Variants in LRP1B observed in about 807,000 individuals in gnomAD.
LRP1B encodes low-density lipoprotein receptor-related protein 1B.
LRP1B carries 217 observed loss-of-function variants against 556.6 expected under a neutral mutation model. That is an observed-to-expected ratio of 0.39 (90% CI 0.35 to 0.44). LRP1B has a LOEUF of 0.44. Ranked by LOEUF, LRP1B falls within the 20% of genes least tolerant of loss-of-function variation. The pLI is 1.00. For missense variants in LRP1B, 5,053 were observed against 5,620.8 expected (o/e 0.90, Z 3.23); for synonymous variants, 2,047 against 1,865.8 (o/e 1.10, Z -2.50).
intron 2 of LRP1B, among the ~76,000 whole-genome samples, chr2:141,531,186 A>G (rs1212405888): frequency 6.6e-6 from 1 of 152,130 alleles, no homozygotes; most frequent in Non-Finnish European, 1.5e-5. Context: ...TCTACAAATA[A>G]TTAACACGTT....
Position 141,013,710 on chromosome 2 carries a change from G to T in LRP1B, c.2226C>A (p.Phe742Leu), listed in dbSNP as rs550472502. The change falls in exon 14 of 91, where the codon TTC becomes TTA. Residue 742 changes from phenylalanine to leucine, a missense_variant. This residue lies in a region of LRP1B where 3,619 missense variants were observed against 3,931.9 expected (regional missense o/e 0.92). Coordinates refer to ENST00000389484, the MANE Select transcript of LRP1B (RefSeq NM_018557.3). Reference protein sequence around the residue: ...VYSGRELNHPFGLSHHGNYVF... With the variant: ...VYSGRELNHPLGLSHHGNYVF... The stretch of plus-strand genomic sequence containing the variant: ...CATAATTTCCATGATGCGACAGTCC[G>T]AAAGGGTGGTTCAACTCTCTCCCAC... 1 of 1,598,122 alleles carries T rather than the reference G, an allele frequency of 6.3e-7. No homozygotes were observed. Among genetic ancestry groups the T allele is most frequent in the South Asian group, 1.1e-5 (1 of 88,456 alleles).
At chr2:141,814,857 T>TG (rs1474595109) in intron 1 of LRP1B, among the ~76,000 whole-genome samples, 3 of 147,600 alleles carry the variant, frequency 2.0e-5, no homozygotes, top group Non-Finnish European at 4.5e-5. Context: ...GAGAAGAGGG[T>TG]GGGGCATGAA....
intron 7 of LRP1B, among the ~76,000 whole-genome samples, chr2:141,064,295 T>C (rs924708508): frequency 6.6e-6 from 1 of 151,864 alleles, no homozygotes; most frequent in Non-Finnish European, 1.5e-5. Flanking sequence ...ATACTAGTAA[T>C]TTTTGCCACT....
intron 41 of LRP1B, among the ~76,000 whole-genome samples, chr2:140,631,277 C>A (rs915873122): frequency 6.6e-6 from 1 of 152,062 alleles, no homozygotes; most frequent in Non-Finnish European, 1.5e-5. Flanking sequence ...GCATGACATG[C>A]TAAAAGGCAA....
intron 2 of LRP1B, among the ~76,000 whole-genome samples, chr2:141,553,938 T>C (rs1685857438): frequency 7.5e-6 from 1 of 133,958 alleles, no homozygotes; most frequent in South Asian, 2.4e-4. Context: ...AATATAGTTA[T>C]ATATCTATAT....
At chr2:140,987,981 A>G (rs1164028260) in intron 17 of LRP1B, among the ~76,000 whole-genome samples, 7 of 151,888 alleles carry the variant, frequency 4.6e-5, no homozygotes, top group African/African-American at 7.3e-5. Flanking sequence ...AAGACTGTCG[A>G]AAAAAAAGAA....
At chr2:141,142,892 T>C (rs1366757640) in intron 7 of LRP1B, among the ~76,000 whole-genome samples, 1 of 148,850 alleles carries the variant, frequency 6.7e-6, no homozygotes, top group Non-Finnish European at 1.5e-5. Context: ...ATGAGTGAAC[T>C]GGCAACAGAT....
chr2:141,740,168 A>G (rs1024969556), intron 2 of LRP1B, among the ~76,000 whole-genome samples: 6 of 152,168 alleles, frequency 3.9e-5, no homozygotes, highest in Admixed American at 3.9e-4. Flanking sequence ...TCTAGATCAT[A>G]GACGTGACAA....
chr2:141,845,425 A>C (rs1357364979), intron 1 of LRP1B, among the ~76,000 whole-genome samples: 1 of 151,958 alleles, frequency 6.6e-6, no homozygotes, highest in Non-Finnish European at 1.5e-5. Context: ...AAATGCATTA[A>C]ATTTAATAAT....
chr2:141,667,956 C>T (rs1404401368), intron 2 of LRP1B, among the ~76,000 whole-genome samples: 1 of 152,092 alleles, frequency 6.6e-6, no homozygotes, highest in African/African-American at 2.4e-5. Flanking sequence ...GTAATACATG[C>T]TTTTACATAA....
At chr2:141,031,251 T>TCA (rs72098612) in intron 11 of LRP1B, among the ~76,000 whole-genome samples, 25,956 of 121,068 alleles carry the variant, frequency 0.21, 2,494 homozygotes, top group Middle Eastern at 0.3. Context: ...TATATACATA[T>TCA]CACACACACA....
chr2:140,583,893 A>T (rs1681880019), intron 43 of LRP1B, among the ~76,000 whole-genome samples: 1 of 152,208 alleles, frequency 6.6e-6, no homozygotes, highest in South Asian at 2.1e-4. Context: ...ATCAAATCAA[A>T]GCACTGTATA....
At chr2:141,077,301 A>T (rs1249868354) in intron 7 of LRP1B, among the ~76,000 whole-genome samples, 2 of 152,256 alleles carry the variant, frequency 1.3e-5, no homozygotes, top group South Asian at 4.1e-4. Flanking sequence ...GCTATGCAAT[A>T]CTGGTATTTT....
At chr2:142,097,183 A>G (rs1706405714) in intron 1 of LRP1B, among the ~76,000 whole-genome samples, 1 of 151,714 alleles carries the variant, frequency 6.6e-6, no homozygotes, top group Non-Finnish European at 1.5e-5. Context: ...TTCTTTATGC[A>G]TAACATCAAA....
At chr2:141,998,898 G>C (rs1296474135) in intron 1 of LRP1B, among the ~76,000 whole-genome samples, 4 of 152,120 alleles carry the variant, frequency 2.6e-5, no homozygotes, top group Non-Finnish European at 5.9e-5. Context: ...GCTCTTATCA[G>C]ACCTAAAAAG....
chr2:142,089,832 T>C (rs138516994), intron 1 of LRP1B, among the ~76,000 whole-genome samples: 1 of 152,296 alleles, frequency 6.6e-6, no homozygotes, highest in African/African-American at 2.4e-5. Flanking sequence ...GCTCATAACA[T>C]GTTTAAGAAT....
intron 3 of LRP1B, among the ~76,000 whole-genome samples, chr2:141,449,946 T>C (rs959078326): frequency 1.3e-5 from 2 of 152,192 alleles, no homozygotes; most frequent in African/African-American, 4.8e-5. Flanking sequence ...TCCCCAGATA[T>C]GACAATCAAA....
chr2:140,646,381 G>A (rs1684486240), intron 41 of LRP1B, among the ~76,000 whole-genome samples: 1 of 152,128 alleles, frequency 6.6e-6, no homozygotes, highest in Admixed American at 6.6e-5. Flanking sequence ...ATGGTATGGT[G>A]GTATGTAGAT....
rs70991144 is a variant in LRP1B, at chr2:141,145,922, CTTTT to C, written c.1013+42495_1013+42498del. Among the ~76,000 whole-genome samples the C allele has an allele frequency of 7.6e-3, 513 of 67,176 alleles. 1 individual carries two copies. The highest frequency in any genetic ancestry group is 0.03 in the African/African-American group (478 of 15,920). 44.1% of individuals were successfully genotyped at this position (67,176 alleles called of 152,430 possible). A position where few individuals can be genotyped will look rare whatever the true frequency, so the allele number is the denominator to read the frequency against. ...ACGTTTTTCTTTTCTTTCTTTCTTTCTTTTTTTTTTTTTTTTTTTTGAGATGGAG... is the reference window on the plus strand; with the variant it reads ...ACGTTTTTCTTTTCTTTCTTTCTTTCTTTTTTTTTTTTTTTTGAGATGGAG... On this transcript the variant is annotated intron_variant, in intron 7 of 90. Transcript: ENST00000389484.
Sources: gnomAD v4.1 joint callset for allele counts (sites outside exome capture counted in the v4.1 genomes callset) on GRCh38, gnomAD v4.1.1 for gene constraint, gnomAD v4.1.1 regional missense constraint, MANE v1.5 for transcripts, NCBI Gene and HGNC (gene_info 2026-07-23, HGNC 2026-07-21) for gene names.